CYB5R4: variants seen among roughly 807,000 people sequenced by gnomAD.
The protein encoded by CYB5R4 is N-terminal cytochrome b5 and cytochrome b5 oxidoreductase domain-containing protein.
Under a neutral mutation model 70.2 loss-of-function variants are expected in CYB5R4, and 55 were observed. That is an observed-to-expected ratio of 0.78 (90% CI 0.63 to 0.98). The LOEUF (loss-of-function observed/expected upper bound fraction) is 0.98, where lower values mean the gene tolerates loss of function less well. Among genes scored for constraint, CYB5R4 ranks in the 50% least tolerant of loss-of-function variants. The pLI is 0.00. For synonymous variants in CYB5R4, 197 were observed against 199.5 expected, an observed-to-expected ratio of 0.99 and a Z score of 0.11; for missense variants, 562 against 612.6, an observed-to-expected ratio of 0.92 and a Z score of 0.87.
chr6:83,958,719 C>A (rs2099472841), intron 15 of CYB5R4, among the ~76,000 whole-genome samples: 1 of 152,136 alleles, frequency 6.6e-6, no homozygotes, highest in African/African-American at 2.4e-5. Flanking sequence ...CCTCTGGGAG[C>A]TGCCAGCTGG....
chr6:83,926,948 G>C (rs2099467384), intron 10 of CYB5R4, among the ~76,000 whole-genome samples: 1 of 152,152 alleles, frequency 6.6e-6, no homozygotes, highest in Non-Finnish European at 1.5e-5. Context: ...AAGCATGTTG[G>C]TTCTTGGCTT....
At chr6:83,944,851 T>G (rs1365972873) in intron 14 of CYB5R4, among the ~76,000 whole-genome samples, 4 of 151,942 alleles carry the variant, frequency 2.6e-5, no homozygotes, top group Non-Finnish European at 5.9e-5. Flanking sequence ...CATTACATAA[T>G]GCTAAAGGGA....
intron 2 of CYB5R4, among the ~76,000 whole-genome samples, chr6:83,866,353 T>A (rs1189418976): frequency 6.6e-6 from 1 of 152,162 alleles, no homozygotes; most frequent in Non-Finnish European, 1.5e-5. Context: ...TATTTTGAAT[T>A]TGGGATTTTT....
chr6:83,913,625 AAC>A (rs1317027814), intron 4 of CYB5R4, among the ~76,000 whole-genome samples: 1 of 152,188 alleles, frequency 6.6e-6, no homozygotes, highest in Non-Finnish European at 1.5e-5. Flanking sequence ...GAAATATTGG[AAC>A]ACAAAAAATT....
At chr6:83,860,434 G>A (rs946357650) in intron 1 of CYB5R4, among the ~76,000 whole-genome samples, 1 of 152,112 alleles carries the variant, frequency 6.6e-6, no homozygotes, top group African/African-American at 2.4e-5. Context: ...TTTTCTACTA[G>A]TATCACTTGC....
At chr6:83,897,974 A>G (rs1041495654) in intron 3 of CYB5R4, among the ~76,000 whole-genome samples, 1 of 152,156 alleles carries the variant, frequency 6.6e-6, no homozygotes, top group African/African-American at 2.4e-5. Context: ...GCCCATGCCT[A>G]TGTCCTGAAT....
chr6:83,886,165 G>T (rs2099460214), intron 2 of CYB5R4, among the ~76,000 whole-genome samples: 1 of 152,156 alleles, frequency 6.6e-6, no homozygotes, highest in South Asian at 2.1e-4. Context: ...GCATCCCATG[G>T]TAAGGGGGCT....
intron 3 of CYB5R4, among the ~76,000 whole-genome samples, chr6:83,903,910 T>G (rs568029504): frequency 3.9e-5 from 6 of 152,132 alleles, no homozygotes; most frequent in Non-Finnish European, 8.8e-5. Context: ...CATTTCTGAT[T>G]TTGTTTACTT....
chr6:83,959,946 G>A lies in CYB5R4; in HGVS notation c.*68G>A. 2.3e-6 allele frequency: 3 copies of A among 1,277,174 alleles called. No individual in the cohort carries two copies. The highest frequency in any genetic ancestry group is 2.1e-6 in the Non-Finnish European group (2 of 930,592). The allele number at this position is 1,277,174 out of a possible 1,614,324, so 79.1% of individuals were successfully genotyped here. On this transcript the variant is annotated 3_prime_UTR_variant, in exon 16 of 16. Coordinates refer to ENST00000369681, the MANE Select transcript of CYB5R4 (RefSeq NM_016230.4). Reference sequence around the variant, plus strand: ...TTTGTGATTGCTTAGGGTTTTTTAAGAGAACATTTTTGTACATAACAAAAG... The same window carrying A: ...TTTGTGATTGCTTAGGGTTTTTTAAAAGAACATTTTTGTACATAACAAAAG...
intron 2 of CYB5R4, among the ~76,000 whole-genome samples, chr6:83,886,764 G>C (rs1167868465): frequency 3.3e-5 from 5 of 152,084 alleles, no homozygotes; most frequent in Admixed American, 3.3e-4. Flanking sequence ...GAACTAATGA[G>C]CTAGCAAGTC....
intron 14 of CYB5R4, 97 bp downstream of exon 14, chr6:83,940,698 G>A (rs2099469613): frequency 1.5e-6 from 2 of 1,363,868 alleles, no homozygotes; most frequent in African/African-American, 1.6e-5. Flanking sequence ...TGTCCAGGAA[G>A]CTCCTTCAAA....
At chr6:83,927,125 C>T (rs994184717) in intron 10 of CYB5R4, among the ~76,000 whole-genome samples, 3 of 152,110 alleles carry the variant, frequency 2.0e-5, no homozygotes, top group Non-Finnish European at 2.9e-5. Context: ...TACAAAAACC[C>T]TCTTTGTTGT....
chr6:83,873,391 C>G (rs2099457976), intron 2 of CYB5R4, among the ~76,000 whole-genome samples: 1 of 151,844 alleles, frequency 6.6e-6, no homozygotes, highest in Non-Finnish European at 1.5e-5. Context: ...AGGCACCGAT[C>G]ACCACACTCG....
At position 83,961,762 on chromosome 6, in the gene CYB5R4, C is replaced by G. The variant is rs949562578; in HGVS notation, c.*1884C>G. Reference sequence around the variant, plus strand: ...GTATCAAATCTAACTTAGCCAACATCTTTCTCATCTTTTCTAAGCCTCTTC... The same window carrying G: ...GTATCAAATCTAACTTAGCCAACATGTTTCTCATCTTTTCTAAGCCTCTTC... On this transcript the variant is annotated 3_prime_UTR_variant, in exon 16 of 16. Transcript: ENST00000369681. 2.6e-5 allele frequency: 4 copies of G among 151,954 alleles called. No individual in the cohort carries two copies. Among genetic ancestry groups the G allele is most frequent in the Middle Eastern group, 3.2e-3 (1 of 312 alleles). 9.4% of individuals were successfully genotyped at this position (151,954 alleles called of 1,614,324 possible).
rs2099473458 is a variant in CYB5R4, at chr6:83,962,231, G to C, written c.*2353G>C. 1 of 152,156 alleles carries C rather than the reference G, an allele frequency of 6.6e-6. No homozygotes were observed. Among genetic ancestry groups the C allele is most frequent in the African/African-American group, 2.4e-5 (1 of 41,442 alleles). The allele number at this position is 152,156 out of a possible 1,614,324, so 9.4% of individuals were successfully genotyped here. ...CTCAGCTGGATTAGTACAGTAGCTT[G>C]ATAATTCATCTTCATGCTGCAGTCC... On this transcript the variant is annotated 3_prime_UTR_variant, in exon 16 of 16. Coordinates refer to ENST00000369681, the MANE Select transcript of CYB5R4 (RefSeq NM_016230.4).
At chr6:83,874,589 A>G (rs563602184) in intron 2 of CYB5R4, among the ~76,000 whole-genome samples, 2 of 144,712 alleles carry the variant, frequency 1.4e-5, no homozygotes, top group African/African-American at 5.1e-5. Flanking sequence ...CTTTTTTATC[A>G]TGTTGGGCCA....
chr6:83,903,788 C>T (rs71568896), intron 3 of CYB5R4, among the ~76,000 whole-genome samples: 6,479 of 151,886 alleles, frequency 0.043, 141 homozygotes, highest in Middle Eastern at 0.048. Flanking sequence ...TGTATGTTTC[C>T]AGGAATTTAT....
intron 2 of CYB5R4, among the ~76,000 whole-genome samples, chr6:83,880,583 T>C (rs2099459289): frequency 2.0e-5 from 3 of 152,184 alleles, no homozygotes; most frequent in African/African-American, 7.2e-5. Flanking sequence ...TGACTTCTAG[T>C]CTCCCTAGGA....
At chr6:83,859,957 C>G in intron 1 of CYB5R4, 100 bp downstream of exon 1, 2 of 1,160,034 alleles carry the variant, frequency 1.7e-6, no homozygotes, top group Admixed American at 2.6e-5. Context: ...GCACCCCTCT[C>G]TAAGCTGTCG....
Sources: gnomAD v4.1 joint callset for allele counts (sites outside exome capture counted in the v4.1 genomes callset) on GRCh38, gnomAD v4.1.1 for gene constraint, MANE v1.5 for transcripts, NCBI Gene and HGNC (gene_info 2026-07-23, HGNC 2026-07-21) for gene names.